SPATA13: variants seen among roughly 807,000 people sequenced by gnomAD.
The protein encoded by SPATA13 is spermatogenesis associated 13.
Under a neutral mutation model 104.0 loss-of-function variants are expected in SPATA13, and 50 were observed. That is an observed-to-expected ratio of 0.48 (90% CI 0.38 to 0.61). The LOEUF (loss-of-function observed/expected upper bound fraction) is 0.61, where lower values mean the gene tolerates loss of function less well. Ranked by LOEUF, SPATA13 falls within the 20% of genes least tolerant of loss-of-function variation. SPATA13 has a pLI of 0.00. For synonymous variants in SPATA13, 606 were observed against 667.5 expected (o/e 0.91, Z 1.42); for missense variants, 1,524 against 1,690.6 (o/e 0.90, Z 1.73).
chr13:24,018,632 C>T (rs933217969), intron 3 of SPATA13, among the ~76,000 whole-genome samples: 2 of 152,172 alleles, frequency 1.3e-5, no homozygotes, highest in South Asian at 2.1e-4. Flanking sequence ...GCGAGGTGAG[C>T]GCTGCTTGTT....
chr13:24,021,974 G>T (rs1428403743), intron 3 of SPATA13, among the ~76,000 whole-genome samples: 3 of 151,768 alleles, frequency 2.0e-5, no homozygotes, highest in Non-Finnish European at 4.4e-5. Flanking sequence ...GCCTCCCAAA[G>T]TGCTGGGATT....
intron 3 of SPATA13, among the ~76,000 whole-genome samples, chr13:24,105,221 C>T (rs768519125): frequency 2.6e-5 from 4 of 152,162 alleles, no homozygotes; most frequent in African/African-American, 4.8e-5. Flanking sequence ...CTCTCAGGCT[C>T]GATGGATTTT....
chr13:24,114,102 C>T (rs904753133), intron 3 of SPATA13, among the ~76,000 whole-genome samples: 4 of 152,144 alleles, frequency 2.6e-5, no homozygotes, highest in Non-Finnish European at 5.9e-5. Context: ...CATTCATATG[C>T]AGTGTAGAAG....
chr13:24,007,280 C>G (rs148333493), intron 2 of SPATA13, among the ~76,000 whole-genome samples: 2 of 152,324 alleles, frequency 1.3e-5, no homozygotes, highest in East Asian at 3.9e-4. Context: ...AAAGGCCAGG[C>G]TAGGCCACTG....
chr13:24,296,332 G>A (rs956122405), intron 10 of SPATA13, among the ~76,000 whole-genome samples: 1 of 152,190 alleles, frequency 6.6e-6, no homozygotes, highest in African/African-American at 2.4e-5. Flanking sequence ...AAAATATTGT[G>A]TGTGACTGGG....
At chr13:24,253,803 C>T (rs994821658) in intron 4 of SPATA13, among the ~76,000 whole-genome samples, 4 of 152,088 alleles carry the variant, frequency 2.6e-5, no homozygotes, top group Non-Finnish European at 5.9e-5. Flanking sequence ...AGCCCAAAGA[C>T]AGGCAGGAAA....
At chr13:24,295,658 CA>C (rs1876721796) in intron 10 of SPATA13, among the ~76,000 whole-genome samples, 1 of 111,218 alleles carries the variant, frequency 9.0e-6, no homozygotes, top group South Asian at 3.5e-4. Context: ...AATAATGGTC[CA>C]ACAAATTCTC....
chr13:24,081,154 C>T (rs932267042), intron 3 of SPATA13, among the ~76,000 whole-genome samples: 2 of 152,106 alleles, frequency 1.3e-5, no homozygotes, highest in African/African-American at 2.4e-5. Flanking sequence ...CCATTTTGTC[C>T]TTGCTGTTGG....
chr13:24,173,496 C>A (rs1411333531), intron 1 of SPATA13, among the ~76,000 whole-genome samples: 1 of 145,736 alleles, frequency 6.9e-6, no homozygotes, highest in Admixed American at 7.0e-5. Flanking sequence ...CCTTTTATTC[C>A]CCCCCGTCCC....
At chr13:24,281,967 C>G (rs2138723423) in intron 4 of SPATA13, among the ~76,000 whole-genome samples, 1 of 152,342 alleles carries the variant, frequency 6.6e-6, no homozygotes, top group Middle Eastern at 3.4e-3. Flanking sequence ...ACCTAAAATG[C>G]TGGTGCATGA....
Position 24,302,618 on chromosome 13 carries a change from G to T in SPATA13, c.3679G>T (p.Ala1227Ser), listed in dbSNP as rs1877280230. Residue 1227 changes from alanine (A) to serine (S), a missense_variant, in exon 13 of 13, where the codon GCC becomes TCC. Transcript: ENST00000382108. The stretch of plus-strand genomic sequence containing the variant: ...GTCAGGCTACAACAGGTGCCCTGTG[G>T]CCCCACCGCACCAGGGCCTGCACCC... ...KSKGYNRCPV[A>S]PPHQGLHPIH... 11 of 1,610,222 alleles carry T rather than the reference G, an allele frequency of 6.8e-6. No individual in the cohort carries two copies. Among genetic ancestry groups the T allele is most frequent in the Non-Finnish European group, 9.3e-6 (11 of 1,177,664 alleles).
chr13:24,208,495 AT>A (rs1870836296), intron 1 of SPATA13, among the ~76,000 whole-genome samples: 1 of 149,700 alleles, frequency 6.7e-6, no homozygotes, highest in Non-Finnish European at 1.5e-5. Context: ...TCCAAGAGTG[AT>A]TTTCCCTTCC....
rs529954851 is a variant in SPATA13, at chr13:24,012,649, C to G, written c.-146-5018C>G. Among the ~76,000 whole-genome samples the G allele has an allele frequency of 2.6e-5, 4 of 152,362 alleles. No homozygotes were observed. In the South Asian group the frequency reaches 8.3e-4, roughly 32 times the overall value. On this transcript the variant is annotated intron_variant, in intron 2 of 14. Coordinates refer to the SPATA13 transcript ENST00000424834. ...CTCCTGGAGTCTGTTCCCTCCCCGT[C>G]TTCCGCAGCCAACCCCCAAGTGTGT... is the stretch of plus-strand genomic sequence containing the variant.
intron 9 of SPATA13, 27 bp from the exon 10 acceptor site, chr13:24,294,712 G>A (rs1876630592): frequency 6.4e-7 from 1 of 1,568,232 alleles, no homozygotes. Context: ...CATGTTATGT[G>A]ATTAAAATTA....
chr13:24,085,583 G>C (rs1013710336), intron 3 of SPATA13, among the ~76,000 whole-genome samples: 2 of 152,202 alleles, frequency 1.3e-5, no homozygotes, highest in Non-Finnish European at 2.9e-5. Flanking sequence ...CCAGAGGAAG[G>C]TGCTCCTTCT....
At chr13:24,077,341 A>G (rs1879366105) in intron 3 of SPATA13, among the ~76,000 whole-genome samples, 1 of 151,616 alleles carries the variant, frequency 6.6e-6, no homozygotes, top group Admixed American at 6.6e-5. Context: ...CTATAGTTAC[A>G]GGAGCCATGT....
chr13:24,004,023 G>A (rs1034278249), intron 2 of SPATA13, among the ~76,000 whole-genome samples: 1 of 152,130 alleles, frequency 6.6e-6, no homozygotes, highest in Non-Finnish European at 1.5e-5. Context: ...TTTAAATATA[G>A]AAGTTGACTC....
intron 1 of SPATA13, among the ~76,000 whole-genome samples, chr13:24,182,813 T>C (rs1021593519): frequency 2.0e-5 from 3 of 152,180 alleles, no homozygotes; most frequent in Non-Finnish European, 4.4e-5. Flanking sequence ...GCTGTGCAGA[T>C]TTTATCAGTG....
Position 24,088,956 on chromosome 13 carries a change from A to T in SPATA13, c.-112+71255A>T, listed in dbSNP as rs775226955. 6.6e-6 allele frequency among the ~76,000 whole-genome samples: 1 copy of T among 152,200 alleles called. No individual in the cohort carries two copies. Among genetic ancestry groups the T allele is most frequent in the Non-Finnish European group, 1.5e-5 (1 of 68,034 alleles). ...GAATGATCTGGGTCTGGAGACAGGG[A>T]TGCGGTCATCGACAGCTCTGGGTTT... On this transcript the variant is annotated intron_variant, in intron 3 of 14. Transcript: ENST00000424834. This position sits in a 1 kb window ranked among gnomAD's most constrained non-coding sequence, Gnocchi z 4.3.
Sources: allele counts gnomAD v4.1 joint callset (sites outside exome capture counted in the v4.1 genomes callset), GRCh38; gene constraint gnomAD v4.1.1; non-coding constraint Gnocchi (gnomAD v3.1); transcripts MANE v1.5; gene names NCBI Gene and HGNC (gene_info 2026-07-23, HGNC 2026-07-21).